Variants in COL14A1 observed in about 807,000 individuals in gnomAD.
COL14A1 encodes the protein collagen alpha-1(XIV) chain.
In COL14A1, 136 loss-of-function variants were observed where a neutral mutation model predicts 230.3. That is an observed-to-expected ratio of 0.59 (90% confidence interval 0.51 to 0.68). The LOEUF (loss-of-function observed/expected upper bound fraction) is 0.68. Ranked by LOEUF, COL14A1 falls within the 30% of genes least tolerant of loss-of-function variation. The pLI is 0.00. For synonymous variants in COL14A1, 792 were observed against 784.1 expected (o/e 1.01, Z -0.17); for missense variants, 1,976 against 2,215.8 (o/e 0.89, Z 2.17).
In COL14A1 at chr8:120,305,987, T is replaced by C. The variant is rs76859166; in HGVS notation, c.4402-4022T>C. On this transcript the variant is annotated intron_variant, in intron 36 of 47. Transcript: ENST00000297848. ...TAATTTATGTGCTCTTACTACCCAG[T>C]ATTTTAATACTGTTTTTAACATCAC... 1.4e-4 allele frequency among the ~76,000 whole-genome samples: 22 copies of C among 152,308 alleles called. No homozygotes were observed. In the East Asian group the frequency reaches 4.2e-3, roughly 29 times the overall value.
At chr8:120,325,025 G>T (rs1821610403) in intron 40 of COL14A1, among the ~76,000 whole-genome samples, 1 of 152,064 alleles carries the variant, frequency 6.6e-6, no homozygotes, top group Admixed American at 6.6e-5. Flanking sequence ...AAAAATGGAA[G>T]TTAAGAAATG....
intron 13 of COL14A1, among the ~76,000 whole-genome samples, chr8:120,215,361 ACT>A (rs1267759747): frequency 6.6e-6 from 1 of 151,672 alleles, no homozygotes; most frequent in Non-Finnish European, 1.5e-5. Context: ...ACAGAGTGAG[ACT>A]CTGTCAGAAA....
rs757912203 is a variant in COL14A1, at chr8:120,345,481, T to G, written c.4995T>G (p.Pro1665=). The G allele has an allele frequency of 1.1e-5, 18 of 1,604,502 alleles. No homozygotes were observed. The highest frequency in any genetic ancestry group is 1.5e-5 in the Non-Finnish European group (18 of 1,175,850). ...GGGAGCCTGGGAGGCCAGGCTCACC[T>G]GGAGCCCCTGGTGAACAAGGACCCC... ...PPGEPGRPGS[P]GAPGEQGPPG... The change falls in exon 45 of 48, where the codon CCT becomes CCG. Residue 1665 remains proline (P), a synonymous_variant. Transcript: ENST00000297848.
intron 17 of COL14A1, among the ~76,000 whole-genome samples, chr8:120,228,100 A>T (rs1178254825): frequency 6.6e-6 from 1 of 152,120 alleles, no homozygotes; most frequent in East Asian, 1.9e-4. Flanking sequence ...ATACCCTTGC[A>T]TCCCCAGTCG....
chr8:120,280,836 C>A, intron 30 of COL14A1, 85 bp from the exon 31 acceptor site: 1 of 1,496,458 alleles, frequency 6.7e-7, no homozygotes. Flanking sequence ...TTTTTAAATC[C>A]TTAATAGAAA....
At chr8:120,202,164 TTA>T (rs577862289) in intron 8 of COL14A1, among the ~76,000 whole-genome samples, 249 of 152,276 alleles carry the variant, frequency 1.6e-3, no homozygotes, top group Admixed American at 6.5e-3. Context: ...GAGAACTAAT[TTA>T]TATGTTTATT....
intron 25 of COL14A1, among the ~76,000 whole-genome samples, chr8:120,268,178 A>T (rs975306412): frequency 1.3e-5 from 2 of 151,770 alleles, no homozygotes; most frequent in African/African-American, 4.8e-5. Context: ...TAATAGCAAA[A>T]TTGTACAACT....
At chr8:120,170,086 G>A (rs1301461756) in intron 5 of COL14A1, among the ~76,000 whole-genome samples, 1 of 151,980 alleles carries the variant, frequency 6.6e-6, no homozygotes, top group South Asian at 2.1e-4. Flanking sequence ...GTCTCCTTCT[G>A]TACAAGTCGT....
In COL14A1 at chr8:120,330,360, C is replaced by T. The variant is rs553774604; in HGVS notation, c.4660-1781C>T. Among the ~76,000 whole-genome samples the T allele has an allele frequency of 7.9e-5, 12 of 152,214 alleles. No individual in the cohort carries two copies. In the South Asian group the frequency reaches 2.1e-3, roughly 26 times the overall value. ...CTCACGCTGCTAATAAAGACATACC[C>T]GAGACTGGGTAATTTATAAAGGAAA... is the stretch of plus-strand genomic sequence containing the variant. On this transcript the variant is annotated intron_variant, in intron 40 of 47. Transcript: ENST00000297848.
chr8:120,222,930 C>T (rs1236814161), intron 14 of COL14A1, among the ~76,000 whole-genome samples: 2 of 152,276 alleles, frequency 1.3e-5, no homozygotes, highest in South Asian at 2.1e-4. Flanking sequence ...AGGCCGGTGT[C>T]AGAGAATAAC....
chr8:120,162,289 T>G (rs1265825640), intron 3 of COL14A1, 137 bp from the exon 4 acceptor site: 1 of 628,272 alleles, frequency 1.6e-6, no homozygotes, highest in East Asian at 3.0e-5. Context: ...TATATACACT[T>G]TAAAATATAT....
intron 19 of COL14A1, among the ~76,000 whole-genome samples, chr8:120,235,976 G>A (rs376612976): frequency 3.3e-5 from 5 of 152,188 alleles, no homozygotes; most frequent in Admixed American, 6.5e-5. Flanking sequence ...ACTGTGGCCT[G>A]AGACTGTTTG....
intron 17 of COL14A1, 62 bp downstream of exon 17, chr8:120,227,414 A>G: frequency 6.3e-7 from 1 of 1,583,694 alleles, no homozygotes; most frequent in Non-Finnish European, 8.6e-7. Flanking sequence ...TTACCCCATC[A>G]ATTTCCTTCC....
intron 8 of COL14A1, 121 bp downstream of exon 8, chr8:120,199,687 G>C: frequency 1.0e-6 from 1 of 1,000,874 alleles, no homozygotes; most frequent in South Asian, 1.7e-5. Context: ...TCTAGTCTTG[G>C]CACTTGTCAT....
At chr8:120,193,544 G>A (rs994713025) in intron 5 of COL14A1, among the ~76,000 whole-genome samples, 2 of 152,198 alleles carry the variant, frequency 1.3e-5, no homozygotes, top group Non-Finnish European at 2.9e-5. Context: ...CAGATCTCCA[G>A]CTGCATGCTG....
chr8:120,187,370 T>C (rs1816682870), intron 5 of COL14A1, among the ~76,000 whole-genome samples: 1 of 152,182 alleles, frequency 6.6e-6, no homozygotes, highest in Non-Finnish European at 1.5e-5. Context: ...TCTGAACCTA[T>C]GTCCTTTATT....
At chr8:120,199,829 G>A (rs1817168050) in intron 8 of COL14A1, among the ~76,000 whole-genome samples, 1 of 151,982 alleles carries the variant, frequency 6.6e-6, no homozygotes, top group African/African-American at 2.4e-5. Context: ...GCATAAAGTG[G>A]CATGCAAAGG....
At chr8:120,220,019 A>G (rs909950699) in intron 14 of COL14A1, among the ~76,000 whole-genome samples, 3 of 151,984 alleles carry the variant, frequency 2.0e-5, no homozygotes, top group African/African-American at 7.3e-5. Flanking sequence ...TTATTTCTTA[A>G]TTCATAGCCA....
Position 120,280,053 on chromosome 8 carries a change from A to T in COL14A1, c.3600A>T (p.Lys1200Asn). The change falls in exon 29 of 48, where the codon AAA becomes AAT. Residue 1200 changes from lysine to asparagine, a missense_variant. Around this residue, in one of 3 missense-constraint regions of COL14A1, gnomAD observed 1,791 missense variants for 2,019.5 expected, o/e 0.89. Transcript: ENST00000297848. Reference sequence around the variant, plus strand: ...TGGATGACTTTGACGCCTTTAAGAAAATCGAAGATGAGTTAATTACTTTTG... The same window carrying T: ...TGGATGACTTTGACGCCTTTAAGAATATCGAAGATGAGTTAATTACTTTTG... ...FFVDDFDAFKKIEDELITFVC... is the reference protein window; with the variant it reads ...FFVDDFDAFKNIEDELITFVC... 1 of 1,613,848 alleles carries T rather than the reference A, an allele frequency of 6.2e-7. No homozygotes were observed.
Sources: allele counts gnomAD v4.1 joint callset (sites outside exome capture counted in the v4.1 genomes callset), GRCh38; gene constraint gnomAD v4.1.1; regional missense constraint gnomAD v4.1.1; transcripts MANE v1.5; gene names NCBI Gene and HGNC (gene_info 2026-07-23, HGNC 2026-07-21).